FGF14: variants seen among roughly 807,000 people sequenced by gnomAD.
The protein encoded by FGF14 is fibroblast growth factor 14.
In FGF14, 5 loss-of-function variants were observed where a neutral mutation model predicts 25.5. The observed-to-expected ratio is 0.20, with a 90% CI of 0.10 to 0.41. The LOEUF (loss-of-function observed/expected upper bound fraction) is 0.41, where lower values mean the gene tolerates loss of function less well. Among genes scored for constraint, FGF14 ranks in the 10% least tolerant of loss-of-function variants. The pLI, the probability that FGF14 is intolerant of heterozygous loss-of-function variation, is 1.00. For missense variants in FGF14, 222 were observed against 320.1 expected (o/e 0.69, Z 2.34); for synonymous variants, 138 against 118.3 (o/e 1.17, Z -1.08).
chr13:102,031,487 AG>A (rs1297078146), intron 1 of FGF14, among the ~76,000 whole-genome samples: 1 of 152,072 alleles, frequency 6.6e-6, no homozygotes, highest in Non-Finnish European at 1.5e-5. Context: ...TTTCACTAAA[AG>A]TTCTTCCTCT....
intron 1 of FGF14, among the ~76,000 whole-genome samples, chr13:101,947,560 T>C (rs1012202053): frequency 1.3e-5 from 2 of 152,332 alleles, no homozygotes; most frequent in Middle Eastern, 3.4e-3. Context: ...CTAGAGGCCA[T>C]TATTCTAAGT....
rs578005963 is a variant in FGF14 at position 101,720,275 on chromosome 13, T to C, written c.*2556A>G. ...ACACAAAGTAAATGACCTAACTCAA[T>C]TACAAATAACAAGGACCCCTCTGCA... On this transcript the variant is annotated 3_prime_UTR_variant, in exon 5 of 5. Transcript: ENST00000376143. 1 of 152,112 alleles carries C rather than the reference T, an allele frequency of 6.6e-6. No homozygotes were observed. The highest frequency in any genetic ancestry group is 2.4e-5 in the African/African-American group (1 of 41,510). The allele number at this position is 152,112 out of a possible 1,614,324, so 9.4% of individuals were successfully genotyped here.
intron 1 of FGF14, among the ~76,000 whole-genome samples, chr13:102,218,886 A>G (rs960300163): frequency 1.3e-5 from 2 of 151,976 alleles, no homozygotes; most frequent in African/African-American, 2.4e-5. Context: ...TAACTCATCA[A>G]TTTTCATGTC....
chr13:102,277,333 C>T (rs1413552894), intron 1 of FGF14, among the ~76,000 whole-genome samples: 1 of 152,184 alleles, frequency 6.6e-6, no homozygotes, highest in Non-Finnish European at 1.5e-5. Context: ...CTTGGAAAAC[C>T]ATGACTCACT....
intron 1 of FGF14, among the ~76,000 whole-genome samples, chr13:102,171,304 G>A (rs1810621300): frequency 6.6e-6 from 1 of 152,038 alleles, no homozygotes. Flanking sequence ...GTAATGAGTT[G>A]GTCAACAAAT....
chr13:102,250,829 T>G (rs1193795206), intron 1 of FGF14, among the ~76,000 whole-genome samples: 1 of 152,230 alleles, frequency 6.6e-6, no homozygotes, highest in Non-Finnish European at 1.5e-5. Context: ...TATTTAGGAA[T>G]GCCTACATAC....
chr13:102,235,813 C>T (rs2051302967), intron 1 of FGF14, among the ~76,000 whole-genome samples: 1 of 152,130 alleles, frequency 6.6e-6, no homozygotes, highest in Admixed American at 6.6e-5. Flanking sequence ...CTGAGACCTG[C>T]TGGGCTGCAT....
chr13:102,214,860 T>A (rs911021387), intron 1 of FGF14, among the ~76,000 whole-genome samples: 1 of 152,138 alleles, frequency 6.6e-6, no homozygotes, highest in Non-Finnish European at 1.5e-5. Context: ...AAAATGTCAG[T>A]GATGTCAAGG....
chr13:101,848,526 T>A (rs1313746380), intron 3 of FGF14, among the ~76,000 whole-genome samples: 1 of 152,028 alleles, frequency 6.6e-6, no homozygotes, highest in African/African-American at 2.4e-5. Flanking sequence ...TCAGCGAGAA[T>A]GAGGTTTAGA....
At chr13:101,801,773 G>T (rs1887700) in intron 3 of FGF14, 123,477 of 159,388 alleles carry the variant, frequency 0.77, 48,350 homozygotes, top group East Asian at 0.89. Context: ...CTATTTAATT[G>T]GTAGAGAGGG....
intron 1 of FGF14, among the ~76,000 whole-genome samples, chr13:102,158,141 T>C (rs1285077450): frequency 6.6e-6 from 1 of 152,180 alleles, no homozygotes; most frequent in Non-Finnish European, 1.5e-5. Context: ...GAACTAGAAA[T>C]GCCATTTGAC....
At chr13:102,342,242 T>C (rs1325496724) in intron 1 of FGF14, among the ~76,000 whole-genome samples, 1 of 152,114 alleles carries the variant, frequency 6.6e-6, no homozygotes, top group African/African-American at 2.4e-5. Context: ...AGCGGTGGCA[T>C]AACTCCCAGC....
intron 3 of FGF14, among the ~76,000 whole-genome samples, chr13:101,748,302 T>TA (rs1218487919): frequency 2.0e-5 from 3 of 151,868 alleles, no homozygotes; most frequent in Middle Eastern, 3.4e-3. Context: ...TACCCAGCCA[T>TA]AAAAAAAGAA....
chr13:101,746,374 G>C (rs2036890609), intron 3 of FGF14, among the ~76,000 whole-genome samples: 1 of 151,936 alleles, frequency 6.6e-6, no homozygotes, highest in African/African-American at 2.4e-5. Context: ...TCTCTATCTT[G>C]TTCTCAGTCT....
At chr13:102,221,824 A>C (rs2050626853) in intron 1 of FGF14, among the ~76,000 whole-genome samples, 1 of 152,234 alleles carries the variant, frequency 6.6e-6, no homozygotes, top group Non-Finnish European at 1.5e-5. Flanking sequence ...TAACTAGACT[A>C]CAAGTTCCTT....
intron 3 of FGF14, among the ~76,000 whole-genome samples, chr13:101,793,317 A>G (rs2140100191): frequency 6.6e-6 from 1 of 152,266 alleles, no homozygotes; most frequent in East Asian, 1.9e-4. Flanking sequence ...TTTCTGTATG[A>G]GAATGTGTGG....
At chr13:102,019,141 T>C (rs567048772) in intron 1 of FGF14, among the ~76,000 whole-genome samples, 51 of 152,262 alleles carry the variant, frequency 3.3e-4, no homozygotes, top group Non-Finnish European at 5.1e-4. Flanking sequence ...TTTGAGAATA[T>C]AGTCAGTTGG....
At chr13:102,074,144 G>A (rs1021820228) in intron 1 of FGF14, among the ~76,000 whole-genome samples, 2 of 152,054 alleles carry the variant, frequency 1.3e-5, no homozygotes, top group Non-Finnish European at 2.9e-5. Flanking sequence ...CCAAGTAGGT[G>A]GGACTACAAG....
chr13:102,052,420 T>C (rs183138746), intron 1 of FGF14, among the ~76,000 whole-genome samples: 1 of 151,938 alleles, frequency 6.6e-6, no homozygotes, highest in Admixed American at 6.6e-5. Flanking sequence ...AACAAGACTA[T>C]ACCAAGACAT....
Sources: gnomAD v4.1 joint callset for allele counts (sites outside exome capture counted in the v4.1 genomes callset) on GRCh38, gnomAD v4.1.1 for gene constraint, MANE v1.5 for transcripts, NCBI Gene and HGNC (gene_info 2026-07-23, HGNC 2026-07-21) for gene names.